Variants in SLITRK5 observed in about 807,000 individuals in gnomAD.
SLITRK5 encodes SLIT and NTRK-like protein 5.
SLITRK5 carries 23 observed loss-of-function variants against 56.2 expected under a neutral mutation model. That is an observed-to-expected ratio of 0.41 (90% CI 0.29 to 0.58). SLITRK5 has a LOEUF of 0.58. SLITRK5 is among the 20% of genes least tolerant of loss of function. The pLI is 0.30. For synonymous variants in SLITRK5, 637 were observed against 531.8 expected, an observed-to-expected ratio of 1.20 and a Z score of -2.72; for missense variants, 1,289 against 1,226.6, an observed-to-expected ratio of 1.05 and a Z score of -0.76.
rs1341111587 is a variant in SLITRK5 at position 87,672,177 on chromosome 13, C to T, written c.-41C>T. Among the ~76,000 whole-genome samples, 1 of 151,814 alleles carries T rather than the reference C, an allele frequency of 6.6e-6. No individual in the cohort carries two copies. The highest frequency in any genetic ancestry group is 1.5e-5 in the Non-Finnish European group (1 of 67,922). On this transcript the variant is annotated 5_prime_UTR_variant, in exon 1 of 2. Coordinates refer to ENST00000683689, the MANE Select transcript of SLITRK5 (RefSeq NM_001384609.1). The stretch of plus-strand genomic sequence containing the variant: ...GAGGGGGCGGCGGCCACAGCTGGGT[C>T]GGAGAAAGTTGCCCCCTATGCAGAT...
chr13:87,677,165 A>G lies in SLITRK5; in HGVS notation c.1777A>G (p.Lys593Glu). 1 of 1,614,152 alleles carries G rather than the reference A, an allele frequency of 6.2e-7. No homozygotes were observed. The highest frequency in any genetic ancestry group is 8.5e-7 in the Non-Finnish European group (1 of 1,180,018). The change falls in exon 2 of 2, where the codon AAG becomes GAG. Residue 593 changes from lysine (K) to glutamate (E), a missense_variant. Transcript: ENST00000683689. The surrounding 1 kb of genome is among the most constrained non-coding windows in gnomAD (Gnocchi z 4.7). ...VGVLVDEVICKAPKKFAETDM... is the reference protein window; with the variant it reads ...VGVLVDEVICEAPKKFAETDM... ...CGTCCTAGTGGACGAGGTGATCTGT[A>G]AGGCGCCCAAAAAATTCGCTGAGAC...
chr13:87,673,494 G>T (rs764657234), intron 1 of SLITRK5: 6 of 650,146 alleles, frequency 9.2e-6, no homozygotes, highest in South Asian at 8.9e-5. Flanking sequence ...GGGCGGGGAA[G>T]CACAGGGAGG....
At position 87,677,282 on chromosome 13, in the gene SLITRK5, G is replaced by A; in HGVS notation, c.1894G>A (p.Ala632Thr). 1.9e-6 allele frequency: 3 copies of A among 1,614,168 alleles called. No homozygotes were observed. The highest frequency in any genetic ancestry group is 2.5e-6 in the Non-Finnish European group (3 of 1,180,028). ...CACACCCTCCTCTATCCAGGTCCCT[G>A]CGAGGACCAGCGCCGTGACTCCTGC... ...TPTPSSIQVPARTSAVTPAVR... is the reference protein window; with the variant it reads ...TPTPSSIQVPTRTSAVTPAVR... Residue 632 changes from alanine (A) to threonine (T), a missense_variant, in exon 2 of 2, where the codon GCG becomes ACG. By Grantham distance (58) the Ala-to-Thr change is moderately conservative (BLOSUM62 0). Around this residue, in one of 3 missense-constraint regions of SLITRK5, gnomAD observed 985 missense variants for 906.0 expected, o/e 1.09. Transcript: ENST00000683689. This position sits in a 1 kb window ranked among gnomAD's most constrained non-coding sequence, Gnocchi z 4.7.
In SLITRK5 at chr13:87,676,298, G is replaced by C; in HGVS notation, c.910G>C (p.Gly304Arg). Residue 304 changes from glycine (G) to arginine (R), a missense_variant, in exon 2 of 2, where the codon GGG becomes CGG. Coordinates refer to ENST00000683689, the MANE Select transcript of SLITRK5 (RefSeq NM_001384609.1). Reference protein sequence around the residue: ...MRPQTPLSTTGYLHTTPASVN... With the variant: ...MRPQTPLSTTRYLHTTPASVN... ...GCCGCAGACGCCTTTGAGCACCACG[G>C]GGTATTTACACACCACCCCGGCGTC... 2 of 1,614,052 alleles carry C rather than the reference G, an allele frequency of 1.2e-6. No homozygotes were observed. The highest frequency in any genetic ancestry group is 1.7e-6 in the Non-Finnish European group (2 of 1,180,000).
In SLITRK5 at chr13:87,676,894, C is replaced by T; in HGVS notation, c.1506C>T (p.Asp502=). 6.2e-7 allele frequency: 1 copy of T among 1,614,136 alleles called. No homozygotes were observed. Among genetic ancestry groups the T allele is most frequent in the Non-Finnish European group, 8.5e-7 (1 of 1,180,026 alleles). ...GCGAGATTCAGTCTGGAACTTTTGA[C>T]CCGGTCCCAAACCTCCAGCTGCTAT... ...LIREIQSGTF[D]PVPNLQLLFL... is the part of the protein sequence containing the mutation. The change falls in exon 2 of 2, where the codon GAC becomes GAT. Residue 502 remains aspartate (D), a synonymous_variant. Coordinates refer to ENST00000683689, the MANE Select transcript of SLITRK5 (RefSeq NM_001384609.1).
At chr13:87,672,363 G>A (rs991225011) in intron 1 of SLITRK5, among the ~76,000 whole-genome samples, 154 bp downstream of exon 1, 5 of 152,014 alleles carry the variant, frequency 3.3e-5, no homozygotes, top group Admixed American at 6.5e-5. Context: ...CGGGGCCGGC[G>A]GGGCCAGGCA....
Position 87,675,425 on chromosome 13 carries a change from G to C in SLITRK5, c.37G>C (p.Asp13His), listed in dbSNP as rs748050875. ...CTGCCCCCCAGTAACTTTGGAACAGGACCTTCACAGAAAAATGCATAGCTG... is the reference window on the plus strand; with the variant it reads ...CTGCCCCCCAGTAACTTTGGAACAGCACCTTCACAGAAAAATGCATAGCTG... Reference protein sequence around the residue: ...TCCPPVTLEQDLHRKMHSWML... With the variant: ...TCCPPVTLEQHLHRKMHSWML... Residue 13 changes from aspartate to histidine, a missense_variant, in exon 2 of 2, where the codon GAC (aspartate) becomes CAC (histidine). Around this residue, in one of 3 missense-constraint regions of SLITRK5, gnomAD observed 291 missense variants for 286.7 expected, o/e 1.02. Coordinates refer to ENST00000683689, the MANE Select transcript of SLITRK5 (RefSeq NM_001384609.1). 1.2e-6 allele frequency: 2 copies of C among 1,614,170 alleles called. No homozygotes were observed. Among genetic ancestry groups the C allele is most frequent in the Non-Finnish European group, 1.7e-6 (2 of 1,180,038 alleles).
At position 87,675,679 on chromosome 13, in the gene SLITRK5, T is replaced by C. The variant is rs1246719970; in HGVS notation, c.291T>C (p.Tyr97=). The C allele has an allele frequency of 6.2e-7, 1 of 1,614,202 alleles. No homozygotes were observed. ...CCGGAAACCTTTTGAACCGTCTCTA[T>C]CCCAATGAGTTTGTCAATTACACTG... The part of the protein sequence containing the change: ...LLSGNLLNRL[Y]PNEFVNYTGA... Residue 97 remains tyrosine, a synonymous_variant, in exon 2 of 2, where the codon TAT becomes TAC. Coordinates refer to ENST00000683689, the MANE Select transcript of SLITRK5 (RefSeq NM_001384609.1).
Position 87,676,687 on chromosome 13 carries a change from G to A in SLITRK5, c.1299G>A (p.Thr433=), listed in dbSNP as rs142133878. 125 of 1,614,014 alleles carry A rather than the reference G, an allele frequency of 7.7e-5. 1 individual carries two copies. In the African/African-American group the frequency reaches 1.2e-3, roughly 16 times the overall value. ...VVRRTDFLEA[T]GLDLLHLGNN... ...GCAGGACAGACTTCCTGGAGGCCAC[G>A]GGGCTGGACCTCCTGCACCTGGGGA... Residue 433 remains threonine, a synonymous_variant, in exon 2 of 2, where the codon ACG becomes ACA. Coordinates refer to ENST00000683689, the MANE Select transcript of SLITRK5 (RefSeq NM_001384609.1).
At chr13:87,674,007 A>AAC (rs71101016) in intron 1 of SLITRK5, among the ~76,000 whole-genome samples, 17,406 of 142,458 alleles carry the variant, frequency 0.12, 1,087 homozygotes, top group Non-Finnish European at 0.16. Flanking sequence ...CGCACACACA[A>AAC]ACACACACAC....
At chr13:87,675,344 T>C in intron 1 of SLITRK5, 37 bp from the exon 2 acceptor site, 2 of 1,499,926 alleles carry the variant, frequency 1.3e-6, no homozygotes, top group Non-Finnish European at 1.8e-6. Flanking sequence ...ATTTTTGTCA[T>C]ATTCTGTTAT....
rs918572623 is a variant in SLITRK5, at chr13:87,678,345, T to C, written c.*80T>C. On this transcript the variant is annotated 3_prime_UTR_variant, in exon 2 of 2. Transcript: ENST00000683689. ...ACACACAGTGAACACATTTGATTAA[T>C]TGTGTTGTTTCAACGTTTAGGGTGA... 13 of 1,331,234 alleles carry C rather than the reference T, an allele frequency of 9.8e-6. No homozygotes were observed. The highest frequency in any genetic ancestry group is 2.0e-4 in the Middle Eastern group (1 of 5,036). The allele number at this position is 1,331,234 out of a possible 1,614,324, so 82.5% of individuals were successfully genotyped here. A position where few individuals can be genotyped will look rare whatever the true frequency, so the allele number is the denominator to read the frequency against.
At position 87,675,720 on chromosome 13, in the gene SLITRK5, A is replaced by G; in HGVS notation, c.332A>G (p.His111Arg). ...FVNYTGASIL[H>R]LGSNVIQDIE... Reference sequence around the variant, plus strand: ...AATTACACTGGGGCTTCAATTTTGCATCTAGGTAGCAATGTTATCCAGGAC... The same window carrying G: ...AATTACACTGGGGCTTCAATTTTGCGTCTAGGTAGCAATGTTATCCAGGAC... The change falls in exon 2 of 2, where the codon CAT becomes CGT. Residue 111 changes from histidine to arginine, a missense_variant. His to Arg is a conservative substitution (Grantham distance 29). This residue lies in a region of SLITRK5 where 291 missense variants were observed against 286.7 expected (regional missense o/e 1.02). Coordinates refer to ENST00000683689, the MANE Select transcript of SLITRK5 (RefSeq NM_001384609.1). The G allele has an allele frequency of 6.2e-7, 1 of 1,614,122 alleles. No individual in the cohort carries two copies. The highest frequency in any genetic ancestry group is 8.5e-7 in the Non-Finnish European group (1 of 1,180,028).
At position 87,675,431 on chromosome 13, in the gene SLITRK5, C is replaced by T; in HGVS notation, c.43C>T (p.His15Tyr). The change falls in exon 2 of 2, where the codon CAC becomes TAC. Residue 15 changes from histidine (H) to tyrosine (Y), a missense_variant. His to Tyr is a moderately conservative substitution (Grantham distance 83). Around this residue, in one of 3 missense-constraint regions of SLITRK5, gnomAD observed 291 missense variants for 286.7 expected, o/e 1.02. Transcript: ENST00000683689. ...CCCAGTAACTTTGGAACAGGACCTTCACAGAAAAATGCATAGCTGGATGCT... is the reference window on the plus strand; with the variant it reads ...CCCAGTAACTTTGGAACAGGACCTTTACAGAAAAATGCATAGCTGGATGCT... Reference protein sequence around the residue: ...CPPVTLEQDLHRKMHSWMLQT... With the variant: ...CPPVTLEQDLYRKMHSWMLQT... The T allele has an allele frequency of 6.2e-7, 1 of 1,614,194 alleles. No individual in the cohort carries two copies. Among genetic ancestry groups the T allele is most frequent in the Non-Finnish European group, 8.5e-7 (1 of 1,180,022 alleles).
rs1877448053 is a variant in SLITRK5 at position 87,679,563 on chromosome 13, G to C, written c.*1298G>C. ...TTGTTACAGTCTCATATGTATCCCAGCACATGTAATTTTTTAAATAGTTTC... is the reference window on the plus strand; with the variant it reads ...TTGTTACAGTCTCATATGTATCCCACCACATGTAATTTTTTAAATAGTTTC... On this transcript the variant is annotated 3_prime_UTR_variant, in exon 2 of 2. Coordinates refer to ENST00000683689, the MANE Select transcript of SLITRK5 (RefSeq NM_001384609.1). 6.0e-6 allele frequency: 1 copy of C among 166,514 alleles called. No individual in the cohort carries two copies. Among genetic ancestry groups the C allele is most frequent in the Non-Finnish European group, 1.5e-5 (1 of 68,014 alleles). 10.3% of individuals were successfully genotyped at this position (166,514 alleles called of 1,614,324 possible). A position where few individuals can be genotyped will look rare whatever the true frequency, so the allele number is the denominator to read the frequency against.
Position 87,676,846 on chromosome 13 carries a change from C to G in SLITRK5, c.1458C>G (p.Leu486=). ...LFYGLQSLQY[L]FLQYNLIREI... The stretch of plus-strand genomic sequence containing the variant: ...ATGGCCTGCAGAGCCTGCAGTATCT[C>G]TTCCTCCAGTACAATCTCATCCGCG... Residue 486 remains leucine (L), a synonymous_variant, in exon 2 of 2, where the codon CTC becomes CTG. Coordinates refer to ENST00000683689, the MANE Select transcript of SLITRK5 (RefSeq NM_001384609.1). 3 of 1,614,156 alleles carry G rather than the reference C, an allele frequency of 1.9e-6. No individual in the cohort carries two copies. Among genetic ancestry groups the G allele is most frequent in the Non-Finnish European group, 2.5e-6 (3 of 1,180,036 alleles).
intron 1 of SLITRK5, chr13:87,674,496 T>C: frequency 1.5e-5 from 10 of 659,992 alleles, no homozygotes; most frequent in Non-Finnish European, 1.9e-5. Context: ...CGGGAGGTAT[T>C]CGGAGATTGC....
intron 1 of SLITRK5, among the ~76,000 whole-genome samples, chr13:87,674,563 A>C (rs1031309395): frequency 6.6e-6 from 1 of 152,104 alleles, no homozygotes; most frequent in Admixed American, 6.5e-5. Context: ...CAGTGGCTTA[A>C]AGATGCGGTT....
At position 87,677,428 on chromosome 13, in the gene SLITRK5, G is replaced by A. The variant is rs757429373; in HGVS notation, c.2040G>A (p.Val680=). The A allele has an allele frequency of 1.2e-6, 2 of 1,613,438 alleles. No individual in the cohort carries two copies. The highest frequency in any genetic ancestry group is 1.7e-5 in the Admixed American group (1 of 60,026). The change falls in exon 2 of 2, where the codon GTG becomes GTA. Residue 680 remains valine, a synonymous_variant. Transcript: ENST00000683689. The surrounding 1 kb of genome is among the most constrained non-coding windows in gnomAD (Gnocchi z 4.7). ...TGGTTTTCATCATGTCCGTCTTCGT[G>A]GCCGCCGGGCTCTTCGTGCTGGTCA... ...LLLVFIMSVF[V]AAGLFVLVMK... is the part of the protein sequence containing the mutation.
Sources: gnomAD v4.1 joint callset for allele counts (sites outside exome capture counted in the v4.1 genomes callset) on GRCh38, gnomAD v4.1.1 for gene constraint, gnomAD v4.1.1 regional missense constraint, Gnocchi (gnomAD v3.1) non-coding constraint, MANE v1.5 for transcripts, NCBI Gene and HGNC (gene_info 2026-07-23, HGNC 2026-07-21) for gene names.